MAP4: variants seen among roughly 807,000 people sequenced by gnomAD.
MAP4 encodes the protein microtubule-associated protein 4.
MAP4 carries 76 observed loss-of-function variants against 170.2 expected under a neutral mutation model. That is an observed-to-expected ratio of 0.45 (90% CI 0.37 to 0.54). The LOEUF (loss-of-function observed/expected upper bound fraction) is 0.54, where lower values mean the gene tolerates loss of function less well. MAP4 is among the 20% of genes least tolerant of loss of function. The probability of loss-of-function intolerance (pLI) is 0.00; values close to 1 mark genes in which losing one functional copy is unlikely to be tolerated. For missense variants in MAP4, 2,506 were observed against 2,748.0 expected, an observed-to-expected ratio of 0.91 and a Z score of 1.97; for synonymous variants, 909 against 994.5, an observed-to-expected ratio of 0.91 and a Z score of 1.62.
intron 3 of MAP4, chr3:47,931,957 C>T (rs1015744843): frequency 3.9e-5 from 6 of 152,104 alleles, no homozygotes; most frequent in African/African-American, 1.4e-4. Context: ...GTATAATTCA[C>T]AAAATTCACT....
At chr3:47,900,912 C>G (rs891192836) in intron 10 of MAP4, among the ~76,000 whole-genome samples, 7 of 152,150 alleles carry the variant, frequency 4.6e-5, no homozygotes, top group African/African-American at 1.7e-4. Flanking sequence ...CTAAGATCTT[C>G]TGCTTTTAGA....
intron 1 of MAP4, among the ~76,000 whole-genome samples, chr3:48,078,633 T>A (rs935970066): frequency 2.0e-5 from 3 of 152,144 alleles, no homozygotes; most frequent in Non-Finnish European, 4.4e-5. Context: ...TGTAGAGAAC[T>A]AAGCCTGTAA....
chr3:47,938,380 A>G (rs922604301), intron 3 of MAP4, among the ~76,000 whole-genome samples: 1 of 152,072 alleles, frequency 6.6e-6, no homozygotes, highest in Non-Finnish European at 1.5e-5. Flanking sequence ...GGAAAAAAAG[A>G]AAAAAGGGAA....
At chr3:47,863,937 TG>T (rs1553728778) in intron 17 of MAP4, among the ~76,000 whole-genome samples, 35 of 138,394 alleles carry the variant, frequency 2.5e-4, no homozygotes, top group Middle Eastern at 3.8e-3. Context: ...TGTGTGTGTG[TG>T]GGGAGTGGTG....
At chr3:47,950,275 A>G (rs573074108) in intron 3 of MAP4, among the ~76,000 whole-genome samples, 5 of 152,272 alleles carry the variant, frequency 3.3e-5, no homozygotes, top group South Asian at 4.2e-4. Context: ...TCAAATTGCA[A>G]TATTTCTGTT....
intron 1 of MAP4, among the ~76,000 whole-genome samples, chr3:48,038,779 A>G (rs951189491): frequency 2.0e-5 from 3 of 151,644 alleles, no homozygotes; most frequent in African/African-American, 7.3e-5. Flanking sequence ...CTTCTATTCC[A>G]TTATCTTCTA....
At chr3:48,071,192 C>T (rs1579793706) in intron 1 of MAP4, among the ~76,000 whole-genome samples, 2 of 152,142 alleles carry the variant, frequency 1.3e-5, no homozygotes, top group South Asian at 4.1e-4. Flanking sequence ...CCCCATGTCT[C>T]TGTAACTTAG....
At chr3:47,914,625 T>A (rs189177607) in intron 8 of MAP4, among the ~76,000 whole-genome samples, 192 bp downstream of exon 8, 1 of 151,246 alleles carries the variant, frequency 6.6e-6, no homozygotes, top group East Asian at 1.9e-4. Flanking sequence ...TGATTTGCTG[T>A]AGTAGTAATT....
rs957054791 is a variant in MAP4, at chr3:48,052,855, G to A, written c.-20+35918C>T. Among the ~76,000 whole-genome samples, 8 of 152,054 alleles carry A rather than the reference G, an allele frequency of 5.3e-5. No homozygotes were observed. In the East Asian group the frequency reaches 1.5e-3, roughly 29 times the overall value. On this transcript the variant is annotated intron_variant, in intron 1 of 18. Coordinates refer to the MAP4 transcript ENST00000360240. The stretch of plus-strand genomic sequence containing the variant: ...ATGAGCTTGCTGTGCACTACCCAAT[G>A]GTTAACTGCTTGGAAAAATATGGAA...
rs1247510790 is a variant in MAP4, at chr3:47,932,360, G to C, written c.293-4010C>G. ...GACATTTGGTTGTTTCTACTTTTTG[G>C]ATATTGTGAATAATGCTGCTATGAA... On this transcript the variant is annotated intron_variant, in intron 3 of 20. Coordinates refer to ENST00000683076, the MANE Select transcript of MAP4 (RefSeq NM_001385682.1). 4.6e-5 allele frequency among the ~76,000 whole-genome samples: 7 copies of C among 151,914 alleles called. No homozygotes were observed. In the East Asian group the frequency reaches 1.4e-3, roughly 29 times the overall value.
chr3:48,044,116 G>A (rs1003825327), intron 1 of MAP4, among the ~76,000 whole-genome samples: 2 of 147,058 alleles, frequency 1.4e-5, no homozygotes, highest in African/African-American at 5.0e-5. Flanking sequence ...AGTGCTGGGA[G>A]TACAGGCGTG....
chr3:47,918,115 TG>T (rs1374193496), intron 6 of MAP4, among the ~76,000 whole-genome samples: 1 of 152,212 alleles, frequency 6.6e-6, no homozygotes, highest in Non-Finnish European at 1.5e-5. Context: ...CCCTAGTAGC[TG>T]GGATTACAGG....
chr3:47,987,508 GAAC>G (rs1415324641), intron 2 of MAP4: 8 of 980,666 alleles, frequency 8.2e-6, no homozygotes, highest in Admixed American at 2.8e-5. Context: ...AAGGATTTTA[GAAC>G]AACAACTCTA....
chr3:47,987,487 A>C, intron 2 of MAP4: 1 of 1,223,774 alleles, frequency 8.2e-7, no homozygotes, highest in South Asian at 1.5e-5. Flanking sequence ...TTACATCTAA[A>C]TCCAATCTTA....
chr3:47,909,264 C>T lies in MAP4; in HGVS notation c.5157G>A (p.Lys1719=), dbSNP rs2100034709. 1 of 1,613,724 alleles carries T rather than the reference C, an allele frequency of 6.2e-7. No individual in the cohort carries two copies. Among genetic ancestry groups the T allele is most frequent in the Admixed American group, 1.7e-5 (1 of 59,994 alleles). Residue 1719 remains lysine, a synonymous_variant, in exon 9 of 21, where the codon AAG becomes AAA. Coordinates refer to ENST00000683076, the MANE Select transcript of MAP4 (RefSeq NM_001385682.1). ...CTTTGGGTTCTGGGAGTCGAACACC[C>T]TTGGAAGCAGTCATTATTACTAACG... ...ADTLVIMTAS[K]GVRLPEPKDK...
chr3:48,076,200 G>T (rs531957098), intron 1 of MAP4, among the ~76,000 whole-genome samples: 1 of 151,230 alleles, frequency 6.6e-6, no homozygotes, highest in South Asian at 2.1e-4. Context: ...GGACAACATA[G>T]TAAGACCACA....
chr3:48,010,847 C>CA (rs2100104880), intron 1 of MAP4, among the ~76,000 whole-genome samples: 1 of 152,200 alleles, frequency 6.6e-6, no homozygotes, highest in Non-Finnish European at 1.5e-5. Flanking sequence ...TTCTCCCGTG[C>CA]TGGATGCTTC....
chr3:47,870,019 AT>A (rs1188601554), intron 15 of MAP4, among the ~76,000 whole-genome samples: 1 of 152,054 alleles, frequency 6.6e-6, no homozygotes, highest in Non-Finnish European at 1.5e-5. Flanking sequence ...TCCCTCCTGA[AT>A]TTCTTAACAG....
intron 3 of MAP4, among the ~76,000 whole-genome samples, chr3:47,977,262 T>C (rs1377566124): frequency 1.1e-4 from 17 of 152,204 alleles, no homozygotes; most frequent in Non-Finnish European, 4.4e-5. Flanking sequence ...TTTGAGAATT[T>C]TGCTCACTAC....
Sources: gnomAD v4.1 joint callset for allele counts (sites outside exome capture counted in the v4.1 genomes callset) on GRCh38, gnomAD v4.1.1 for gene constraint, MANE v1.5 for transcripts, NCBI Gene and HGNC (gene_info 2026-07-23, HGNC 2026-07-21) for gene names.